The following ZNF385D variants were observed in gnomAD, a reference collection of about 807,000 sequenced individuals.
ZNF385D encodes zinc finger protein 385D.
In ZNF385D, 15 loss-of-function variants were observed where a neutral mutation model predicts 35.8. The ratio of observed to expected loss-of-function variants is 0.42; its 90% CI spans 0.28 to 0.64. The LOEUF (loss-of-function observed/expected upper bound fraction) is 0.64, where lower values mean the gene tolerates loss of function less well. ZNF385D is among the 30% of genes least tolerant of loss of function. The pLI is 0.23. For synonymous variants in ZNF385D, 212 were observed against 186.8 expected (o/e 1.13, Z -1.10); for missense variants, 474 against 494.6 (o/e 0.96, Z 0.39).
At chr3:22,211,130 C>T (rs577740114) in intron 2 of ZNF385D, among the ~76,000 whole-genome samples, 2 of 151,778 alleles carry the variant, frequency 1.3e-5, no homozygotes, top group East Asian at 3.9e-4. Flanking sequence ...AGTGTGTTTG[C>T]AAAGTTATTC....
At chr3:22,010,784 A>G (rs1055639447) in intron 3 of ZNF385D, among the ~76,000 whole-genome samples, 3 of 152,220 alleles carry the variant, frequency 2.0e-5, no homozygotes, top group African/African-American at 7.2e-5. Context: ...GAGCTTCTGT[A>G]TGAATAATTA....
At chr3:21,602,512 A>ATTTTTTTTTTTTTTTTTTTTTTT (rs199882061) in intron 2 of ZNF385D, among the ~76,000 whole-genome samples, 5 of 90,178 alleles carry the variant, frequency 5.5e-5, no homozygotes, top group Admixed American at 1.1e-4. Context: ...GTTTCCCTGC[A>ATTTTTTTTTTTTTTTTTTTTTTT]TTTTCTTTTT....
At chr3:21,486,686 A>T (rs1158004936) in intron 4 of ZNF385D, among the ~76,000 whole-genome samples, 1 of 152,164 alleles carries the variant, frequency 6.6e-6, no homozygotes, top group Admixed American at 6.6e-5. Flanking sequence ...TGGGACAGAC[A>T]TTAGGTCACA....
chr3:21,788,304 C>A (rs2071786423), intron 3 of ZNF385D, among the ~76,000 whole-genome samples: 1 of 152,160 alleles, frequency 6.6e-6, no homozygotes, highest in Admixed American at 6.5e-5. Context: ...TGCGGGGAAA[C>A]CCCGTTTCTA....
chr3:22,047,120 CAAAT>C (rs1699051112), intron 3 of ZNF385D, among the ~76,000 whole-genome samples: 1 of 152,028 alleles, frequency 6.6e-6, no homozygotes, highest in African/African-American at 2.4e-5. Flanking sequence ...TGTTGATTGA[CAAAT>C]AAAAATTATA....
intron 2 of ZNF385D, among the ~76,000 whole-genome samples, chr3:22,242,543 G>T (rs1043266371): frequency 6.6e-6 from 1 of 150,716 alleles, no homozygotes; most frequent in Non-Finnish European, 1.5e-5. Context: ...CAAAACAACG[G>T]ATAGTTTACA....
intron 1 of ZNF385D, among the ~76,000 whole-genome samples, chr3:21,707,711 G>T (rs2067958746): frequency 6.6e-6 from 1 of 152,176 alleles, no homozygotes; most frequent in Non-Finnish European, 1.5e-5. Context: ...AATTTATACT[G>T]AAAGTGAGAT....
At chr3:22,136,003 G>A (rs918093713) in intron 3 of ZNF385D, among the ~76,000 whole-genome samples, 1 of 152,148 alleles carries the variant, frequency 6.6e-6, no homozygotes, top group Non-Finnish European at 1.5e-5. Flanking sequence ...ACATAAATAT[G>A]CTACAAAATT....
rs372475082 is a variant in ZNF385D at position 21,765,908 on chromosome 3, T to C, written c.326-100880A>G. Among the ~76,000 whole-genome samples the C allele has an allele frequency of 8.5e-5, 13 of 152,238 alleles. No homozygotes were observed. In the South Asian group the frequency reaches 1.7e-3, roughly 19 times the overall value. On this transcript the variant is annotated intron_variant, in intron 3 of 5. Transcript: ENST00000494108. ...TAATATGTGTCTGTTCCTCCCATAG[T>C]AGTATCTTCTTTTACACCTTTAATT...
intron 3 of ZNF385D, among the ~76,000 whole-genome samples, chr3:21,816,407 A>G (rs928152144): frequency 5.3e-5 from 8 of 152,232 alleles, no homozygotes; most frequent in African/African-American, 1.9e-4. Context: ...TGTGCAGATG[A>G]CATGATTGTA....
chr3:22,171,598 C>T (rs1694430648), intron 2 of ZNF385D, among the ~76,000 whole-genome samples: 1 of 152,002 alleles, frequency 6.6e-6, no homozygotes, highest in Admixed American at 6.5e-5. Flanking sequence ...TACAGATGCC[C>T]GGGCACGGTG....
chr3:21,761,340 T>C (rs914201426), intron 3 of ZNF385D, among the ~76,000 whole-genome samples: 2 of 152,222 alleles, frequency 1.3e-5, no homozygotes, highest in African/African-American at 4.8e-5. Context: ...GACCTCTAAA[T>C]TTGGGGTAAT....
At chr3:21,682,185 G>C (rs1334256824) in intron 1 of ZNF385D, among the ~76,000 whole-genome samples, 1 of 152,176 alleles carries the variant, frequency 6.6e-6, no homozygotes, top group Non-Finnish European at 1.5e-5. Context: ...CTGAATCTTG[G>C]ACAATTGGCA....
At chr3:21,965,257 A>G (rs1202758706) in intron 3 of ZNF385D, among the ~76,000 whole-genome samples, 1 of 152,214 alleles carries the variant, frequency 6.6e-6, no homozygotes, top group Non-Finnish European at 1.5e-5. Flanking sequence ...AGTTGTAGCA[A>G]GGATTAAAAA....
At chr3:22,141,696 A>G (rs926164920) in intron 3 of ZNF385D, among the ~76,000 whole-genome samples, 1 of 152,224 alleles carries the variant, frequency 6.6e-6, no homozygotes, top group Non-Finnish European at 1.5e-5. Context: ...TAGCACATCA[A>G]GAATCAGAAA....
rs149860290 is a variant in ZNF385D, at chr3:22,132,301, G to A, written c.325+36516C>T. Among the ~76,000 whole-genome samples the A allele has an allele frequency of 5.5e-4, 83 of 152,232 alleles. 4 individuals are homozygous for A. In the East Asian group the frequency reaches 0.011, roughly 21 times the overall value. Reference sequence around the variant, plus strand: ...GAACACATGAAACAGTGCCATCTATGAACTAAGAAACGGACATTCATCAGA... The same window carrying A: ...GAACACATGAAACAGTGCCATCTATAAACTAAGAAACGGACATTCATCAGA... On this transcript the variant is annotated intron_variant, in intron 3 of 5. Transcript: ENST00000494108.
intron 1 of ZNF385D, among the ~76,000 whole-genome samples, chr3:21,698,652 A>T (rs1317863107): frequency 1.3e-5 from 2 of 151,968 alleles, no homozygotes; most frequent in Non-Finnish European, 2.9e-5. Context: ...GAAAAAAAAC[A>T]AACAAACCCA....
intron 1 of ZNF385D, among the ~76,000 whole-genome samples, chr3:21,698,065 C>T (rs531520586): frequency 6.6e-6 from 1 of 152,188 alleles, no homozygotes; most frequent in Admixed American, 6.5e-5. Flanking sequence ...AAAGGTAAAA[C>T]TACTATTCAA....
intron 3 of ZNF385D, among the ~76,000 whole-genome samples, chr3:21,782,932 G>A (rs932153585): frequency 5.3e-5 from 8 of 152,040 alleles, no homozygotes; most frequent in South Asian, 4.1e-4. Flanking sequence ...ATGAAAATTC[G>A]TTATGCAATT....
Sources: allele counts gnomAD v4.1 joint callset (sites outside exome capture counted in the v4.1 genomes callset), GRCh38; gene constraint gnomAD v4.1.1; transcripts MANE v1.5; gene names NCBI Gene and HGNC (gene_info 2026-07-23, HGNC 2026-07-21).